Variants in NTNG1 observed in about 807,000 individuals in gnomAD.
NTNG1 encodes netrin G1, also known as netrin-G1.
NTNG1 carries 16 observed loss-of-function variants against 54.0 expected under a neutral mutation model. The observed-to-expected ratio is 0.30, with a 90% CI of 0.20 to 0.45. NTNG1 has a LOEUF of 0.45. Among genes scored for constraint, NTNG1 ranks in the 20% least tolerant of loss-of-function variants. The pLI is 1.00. For synonymous variants in NTNG1, 255 were observed against 263.1 expected (o/e 0.97, Z 0.30); for missense variants, 530 against 678.7 (o/e 0.78, Z 2.43).
intron 2 of NTNG1, among the ~76,000 whole-genome samples, chr1:107,229,537 A>G (rs1408220968): frequency 6.6e-6 from 1 of 151,670 alleles, no homozygotes; most frequent in Non-Finnish European, 1.5e-5. Context: ...TTGTTTTTAA[A>G]TGAGAATTTA....
At chr1:107,180,720 G>A (rs1656999250) in intron 2 of NTNG1, among the ~76,000 whole-genome samples, 1 of 152,010 alleles carries the variant, frequency 6.6e-6, no homozygotes, top group African/African-American at 2.4e-5. Flanking sequence ...TTTTTGGCAG[G>A]CTTTGTTATC....
chr1:107,474,247 G>T (rs948659480), intron 7 of NTNG1, among the ~76,000 whole-genome samples: 14 of 152,136 alleles, frequency 9.2e-5, no homozygotes, highest in African/African-American at 3.4e-4. Context: ...GAGAGAGTTG[G>T]GACATGCTTA....
At chr1:107,432,548 G>T (rs528404840) in intron 6 of NTNG1, among the ~76,000 whole-genome samples, 5 of 152,250 alleles carry the variant, frequency 3.3e-5, no homozygotes, top group Admixed American at 3.3e-4. Context: ...AAAGATTTGA[G>T]GATATTAATG....
intron 3 of NTNG1, among the ~76,000 whole-genome samples, chr1:107,342,711 A>G (rs569161197): frequency 4.6e-5 from 7 of 152,272 alleles, no homozygotes; most frequent in Admixed American, 1.3e-4. Context: ...CTCCAAGTTC[A>G]TCACTAAAAC....
At chr1:107,314,914 C>T (rs543080217) in intron 2 of NTNG1, among the ~76,000 whole-genome samples, 9 of 152,202 alleles carry the variant, frequency 5.9e-5, no homozygotes, top group Non-Finnish European at 1.3e-4. Flanking sequence ...ATCTCCCTCA[C>T]GGTGTTGTTA....
intron 2 of NTNG1, among the ~76,000 whole-genome samples, chr1:107,207,270 A>G (rs554715791): frequency 6.6e-6 from 1 of 152,146 alleles, no homozygotes; most frequent in Non-Finnish European, 1.5e-5. Flanking sequence ...TGACACCTAG[A>G]GATTTCATTT....
chr1:107,322,142 C>T (rs1245423754), intron 2 of NTNG1, among the ~76,000 whole-genome samples: 2 of 152,112 alleles, frequency 1.3e-5, no homozygotes, highest in Admixed American at 6.6e-5. Flanking sequence ...TGACCAATTT[C>T]CAGAAGCAGC....
chr1:107,478,552 G>C (rs655033), intron 7 of NTNG1, among the ~76,000 whole-genome samples: 57,355 of 151,814 alleles, frequency 0.38, 11,458 homozygotes, highest in East Asian at 0.6. Flanking sequence ...TTTTTCTAAA[G>C]GGGAGTGATA....
At chr1:107,280,644 A>T (rs1664789498) in intron 2 of NTNG1, among the ~76,000 whole-genome samples, 1 of 145,216 alleles carries the variant, frequency 6.9e-6, no homozygotes. Context: ...ACATCATCCT[A>T]TAACTCTCCT....
chr1:107,276,769 C>A (rs1333157690), intron 2 of NTNG1, among the ~76,000 whole-genome samples: 5 of 151,872 alleles, frequency 3.3e-5, no homozygotes, highest in African/African-American at 7.3e-5. Flanking sequence ...AGATTATTAA[C>A]AATGATATTC....
intron 2 of NTNG1, among the ~76,000 whole-genome samples, chr1:107,223,724 G>T (rs867371089): frequency 6.6e-6 from 1 of 152,116 alleles, no homozygotes; most frequent in Non-Finnish European, 1.5e-5. Context: ...AAGAAAAAAG[G>T]TATCTCTAGG....
intron 7 of NTNG1, among the ~76,000 whole-genome samples, chr1:107,441,992 A>T (rs1398025268): frequency 6.6e-6 from 1 of 152,136 alleles, no homozygotes; most frequent in Non-Finnish European, 1.5e-5. Context: ...GTATTGTGAG[A>T]GCATATTGTA....
intron 2 of NTNG1, among the ~76,000 whole-genome samples, chr1:107,286,285 A>C (rs760574064): frequency 2.6e-5 from 4 of 152,146 alleles, no homozygotes; most frequent in Non-Finnish European, 4.4e-5. Context: ...TAAATGAGTA[A>C]GATCTGAGGC....
At chr1:107,430,961 G>T in intron 6 of NTNG1, 44 bp downstream of exon 6, 1 of 1,587,242 alleles carries the variant, frequency 6.3e-7, no homozygotes, top group Non-Finnish European at 8.6e-7. Context: ...TGCCTTTTGA[G>T]CTACGGGGAG....
chr1:107,273,698 A>G (rs972498152), intron 2 of NTNG1, among the ~76,000 whole-genome samples: 1 of 152,186 alleles, frequency 6.6e-6, no homozygotes, highest in African/African-American at 2.4e-5. Context: ...GTACTTCCTT[A>G]TAATGATGTT....
At chr1:107,411,801 A>G (rs1437672018) in intron 5 of NTNG1, among the ~76,000 whole-genome samples, 1 of 152,148 alleles carries the variant, frequency 6.6e-6, no homozygotes, top group Non-Finnish European at 1.5e-5. Flanking sequence ...TGCCTTTGGG[A>G]CTATCATGTA....
chr1:107,259,357 C>T (rs1348407659), intron 2 of NTNG1, among the ~76,000 whole-genome samples: 1 of 151,882 alleles, frequency 6.6e-6, no homozygotes, highest in Admixed American at 6.6e-5. Context: ...CTATAAATAA[C>T]AGGAATAAAT....
At chr1:107,256,522 G>T (rs1662943454) in intron 2 of NTNG1, among the ~76,000 whole-genome samples, 1 of 152,210 alleles carries the variant, frequency 6.6e-6, no homozygotes, top group African/African-American at 2.4e-5. Context: ...TTAACATAAA[G>T]AGTATTCGAA....
intron 5 of NTNG1, among the ~76,000 whole-genome samples, chr1:107,414,222 G>C (rs762084314): frequency 6.6e-6 from 1 of 152,012 alleles, no homozygotes. Context: ...AGCTTTCCTT[G>C]GGTGCAGAAG....
Sources: allele counts gnomAD v4.1 joint callset (sites outside exome capture counted in the v4.1 genomes callset), GRCh38; gene constraint gnomAD v4.1.1; transcripts MANE v1.5; gene names NCBI Gene and HGNC (gene_info 2026-07-23, HGNC 2026-07-21).